Variants in TNRC6B observed in about 807,000 individuals in gnomAD.
TNRC6B encodes the protein trinucleotide repeat-containing gene 6B protein.
A neutral mutation model predicts 203.6 loss-of-function variants in TNRC6B; 52 were observed. The observed-to-expected ratio is 0.26, with a 90% CI of 0.20 to 0.32. The LOEUF (loss-of-function observed/expected upper bound fraction) is 0.32, where lower values mean the gene tolerates loss of function less well. Among genes scored for constraint, TNRC6B ranks in the 10% least tolerant of loss-of-function variants. TNRC6B has a pLI of 1.00. For synonymous variants in TNRC6B, 838 were observed against 845.7 expected (o/e 0.99, Z 0.16); for missense variants, 1,923 against 2,286.2 (o/e 0.84, Z 3.24).
chr22:40,279,481 C>A (rs777343665), intron 9 of TNRC6B, among the ~76,000 whole-genome samples: 1 of 152,192 alleles, frequency 6.6e-6, no homozygotes, highest in Non-Finnish European at 1.5e-5. Context: ...GTGGACACAT[C>A]TTCTGTGTTC....
At chr22:40,168,280 C>A (rs2068939385) in intron 4 of TNRC6B, among the ~76,000 whole-genome samples, 1 of 152,176 alleles carries the variant, frequency 6.6e-6, no homozygotes, top group Non-Finnish European at 1.5e-5. Flanking sequence ...TTGAATTTCT[C>A]TTCTGTGCTA....
chr22:40,176,353 C>A (rs551084704), upstream of TNRC6B, among the ~76,000 whole-genome samples: 9 of 152,142 alleles, frequency 5.9e-5, no homozygotes, highest in South Asian at 1.9e-3. Context: ...TCTCGAACTC[C>A]CGACCTCAGG....
intron 4 of TNRC6B, among the ~76,000 whole-genome samples, chr22:40,263,631 A>G (rs2070422126): frequency 6.6e-6 from 1 of 152,252 alleles, no homozygotes; most frequent in African/African-American, 2.4e-5. Flanking sequence ...TGGTTAAAGA[A>G]GCCAAAATAA....
intron 9 of TNRC6B, 94 bp downstream of exon 9, chr22:40,278,138 T>G: frequency 1.1e-6 from 1 of 937,686 alleles, no homozygotes; most frequent in South Asian, 1.4e-5. Context: ...TAGGTGCAGT[T>G]CAGTAGACAT....
At chr22:40,217,512 G>A (rs1209456181) in intron 1 of TNRC6B, among the ~76,000 whole-genome samples, 6 of 152,180 alleles carry the variant, frequency 3.9e-5, no homozygotes, top group Admixed American at 3.9e-4. Context: ...GTTGGGAAGG[G>A]ACAAACAATG....
chr22:40,050,971 C>T (rs1254477150), intron 1 of TNRC6B, among the ~76,000 whole-genome samples: 1 of 151,782 alleles, frequency 6.6e-6, no homozygotes, highest in Middle Eastern at 3.2e-3. Flanking sequence ...ACTACAGGTG[C>T]GCACCACCAC....
intron 1 of TNRC6B, among the ~76,000 whole-genome samples, chr22:40,054,332 A>G (rs958447753): frequency 5.9e-5 from 9 of 152,010 alleles, no homozygotes; most frequent in Admixed American, 5.9e-4. Flanking sequence ...CTCTTTTCCT[A>G]CTGTCTTCCC....
intron 1 of TNRC6B, among the ~76,000 whole-genome samples, chr22:40,083,421 G>A (rs1016519339): frequency 2.6e-5 from 4 of 152,300 alleles, no homozygotes; most frequent in South Asian, 2.1e-4. Context: ...AAGTCATGTC[G>A]GAATGGTTTT....
intron 3 of TNRC6B, among the ~76,000 whole-genome samples, chr22:40,131,348 G>A (rs900164530): frequency 6.6e-6 from 1 of 151,788 alleles, no homozygotes; most frequent in African/African-American, 2.4e-5. Flanking sequence ...AGATGGATTA[G>A]GATTATATAT....
chr22:40,223,087 A>T (rs2069736687), intron 1 of TNRC6B, among the ~76,000 whole-genome samples: 1 of 151,548 alleles, frequency 6.6e-6, no homozygotes. Flanking sequence ...TAGTTTAAAA[A>T]GGTATATAGT....
rs2070450930 is a variant in TNRC6B at position 40,264,869 on chromosome 22, A to T, written c.639A>T (p.Glu213Asp). 1.9e-6 allele frequency: 3 copies of T among 1,613,920 alleles called. No individual in the cohort carries two copies. The highest frequency in any genetic ancestry group is 2.5e-6 in the Non-Finnish European group (3 of 1,179,892). ...IASKDTESSS[E>D]NTTDNNSASN... is the part of the protein sequence containing the mutation. ...GCAAAGACACTGAATCTTCTTCCGA[A>T]AACACCACCGATAACAACAGTGCCT... is the stretch of plus-strand genomic sequence containing the variant. Residue 213 changes from glutamate (E) to aspartate (D), a missense_variant, in exon 5 of 23, where the codon GAA (glutamate) becomes GAT (aspartate). Coordinates refer to ENST00000454349, the MANE Select transcript of TNRC6B (RefSeq NM_001162501.2).
intron 3 of TNRC6B, among the ~76,000 whole-genome samples, chr22:40,254,457 C>T (rs1292279323): frequency 6.6e-6 from 1 of 152,102 alleles, no homozygotes; most frequent in African/African-American, 2.4e-5. Flanking sequence ...GAGTTCAAGG[C>T]TGCAGTGAGC....
intron 1 of TNRC6B, among the ~76,000 whole-genome samples, chr22:40,108,980 GT>G (rs1361664973): frequency 4.1e-5 from 5 of 120,556 alleles, no homozygotes; most frequent in African/African-American, 1.6e-4. Context: ...TCCCCTCCCT[GT>G]GTCCATGTGT....
intron 1 of TNRC6B, among the ~76,000 whole-genome samples, chr22:40,218,314 TTTTTCTTTTC>T (rs1235181565): frequency 0.016 from 2,302 of 139,586 alleles, 36 homozygotes; most frequent in Middle Eastern, 0.045. Flanking sequence ...TTTTTTTTCT[TTTTTCTTTTC>T]TTTTTTTTTT....
intron 1 of TNRC6B, among the ~76,000 whole-genome samples, chr22:40,112,172 C>T (rs998254715): frequency 1.3e-5 from 2 of 152,038 alleles, no homozygotes; most frequent in African/African-American, 4.8e-5. Context: ...AGGAGGAATA[C>T]ACCAGTAATG....
chr22:40,130,906 A>G (rs2068537407), intron 3 of TNRC6B, among the ~76,000 whole-genome samples: 1 of 151,254 alleles, frequency 6.6e-6, no homozygotes, highest in South Asian at 2.1e-4. Flanking sequence ...GTTGGTATAG[A>G]AGTCTTTTTT....
intron 5 of TNRC6B, among the ~76,000 whole-genome samples, chr22:40,268,556 A>G (rs2070511993): frequency 6.6e-6 from 1 of 152,196 alleles, no homozygotes; most frequent in African/African-American, 2.4e-5. Context: ...CTAAAATTTT[A>G]AAAAGCTACA....
At chr22:40,253,605 A>C (rs1436343924) in intron 3 of TNRC6B, 1 of 456,344 alleles carries the variant, frequency 2.2e-6, no homozygotes, top group South Asian at 1.5e-5. Flanking sequence ...CTCCAATCAA[A>C]AGATAACATA....
At chr22:40,206,600 T>C (rs1460690952) in intron 1 of TNRC6B, among the ~76,000 whole-genome samples, 1 of 152,146 alleles carries the variant, frequency 6.6e-6, no homozygotes, top group Non-Finnish European at 1.5e-5. Flanking sequence ...TTAAAATTTA[T>C]ATGGAAAAGA....
Sources: gnomAD v4.1 joint callset for allele counts (sites outside exome capture counted in the v4.1 genomes callset) on GRCh38, gnomAD v4.1.1 for gene constraint, MANE v1.5 for transcripts, NCBI Gene and HGNC (gene_info 2026-07-23, HGNC 2026-07-21) for gene names.